Variants in STARD13 observed in about 807,000 individuals in gnomAD.
STARD13 encodes stAR-related lipid transfer protein 13.
In STARD13, 62 loss-of-function variants were observed where a neutral mutation model predicts 106.4. The ratio of observed to expected loss-of-function variants is 0.58; its 90% confidence interval spans 0.48 to 0.72. The LOEUF (loss-of-function observed/expected upper bound fraction) is 0.72, where lower values mean the gene tolerates loss of function less well. Among genes scored for constraint, STARD13 ranks in the 30% least tolerant of loss-of-function variants. The probability of loss-of-function intolerance (pLI) is 0.00; values close to 1 mark genes in which losing one functional copy is unlikely to be tolerated. For synonymous variants in STARD13, 565 were observed against 553.0 expected (o/e 1.02, Z -0.31); for missense variants, 1,387 against 1,424.0 (o/e 0.97, Z 0.42).
the STARD13 span, among the ~76,000 whole-genome samples, chr13:33,505,659 A>G: frequency 1.3e-5 from 2 of 152,154 alleles, no homozygotes; most frequent in African/African-American, 4.8e-5. Flanking sequence ...TTTATCCCCA[A>G]CTTTCATGAA....
chr13:33,237,665 C>A (rs1424004693), intron 1 of STARD13, among the ~76,000 whole-genome samples: 2 of 152,116 alleles, frequency 1.3e-5, no homozygotes, highest in Non-Finnish European at 2.9e-5. Flanking sequence ...CATCTCCCCC[C>A]TCACCACCAT....
the STARD13 span, among the ~76,000 whole-genome samples, chr13:33,599,551 T>G: frequency 3.3e-5 from 5 of 152,182 alleles, no homozygotes; most frequent in African/African-American, 1.2e-4. Context: ...ATTAAGCTTT[T>G]GGAAGGCACC....
the STARD13 span, among the ~76,000 whole-genome samples, chr13:33,599,299 A>C: frequency 6.6e-6 from 1 of 152,328 alleles, no homozygotes; most frequent in East Asian, 1.9e-4. Context: ...TATTTCCTTT[A>C]TAGAACTCAG....
At chr13:33,499,505 C>CT in the STARD13 span, among the ~76,000 whole-genome samples, 13,051 of 77,596 alleles carry the variant, frequency 0.17, 2,920 homozygotes, top group East Asian at 0.23. Flanking sequence ...CCTTCTTCTT[C>CT]TTCTTCTTCT....
At chr13:33,418,877 C>A in the STARD13 span, among the ~76,000 whole-genome samples, 1 of 152,224 alleles carries the variant, frequency 6.6e-6, no homozygotes, top group South Asian at 2.1e-4. Context: ...AGGGACCTGA[C>A]TGTTAGAAGG....
the STARD13 span, among the ~76,000 whole-genome samples, chr13:33,543,669 C>T: frequency 1.3e-5 from 2 of 152,132 alleles, no homozygotes; most frequent in Non-Finnish European, 2.9e-5. Flanking sequence ...AGCATGCATC[C>T]AGATTCTCTA....
intron 2 of STARD13, among the ~76,000 whole-genome samples, 200 bp downstream of exon 2, chr13:33,167,351 A>T (rs1179014960): frequency 6.6e-6 from 1 of 152,196 alleles, no homozygotes; most frequent in Non-Finnish European, 1.5e-5. Context: ...AGCAGAAAGT[A>T]AAGTGGGCCT....
chr13:33,397,945 A>G, the STARD13 span, among the ~76,000 whole-genome samples: 1 of 152,202 alleles, frequency 6.6e-6, no homozygotes, highest in Admixed American at 6.5e-5. Flanking sequence ...ACACGACCCA[A>G]AGGTCGTATC....
chr13:33,605,767 T>C, the STARD13 span, among the ~76,000 whole-genome samples: 15 of 152,348 alleles, frequency 9.8e-5, no homozygotes, highest in East Asian at 2.3e-3. Context: ...AGTCCTAATA[T>C]TGTTTATTTC....
At chr13:33,401,943 C>T in the STARD13 span, among the ~76,000 whole-genome samples, 2 of 152,084 alleles carry the variant, frequency 1.3e-5, no homozygotes, top group East Asian at 1.9e-4. Context: ...GTTGTCTTTC[C>T]CATCTTTATG....
intron 3 of STARD13, among the ~76,000 whole-genome samples, chr13:33,159,829 A>T (rs1882411587): frequency 1.3e-5 from 2 of 152,336 alleles, no homozygotes; most frequent in South Asian, 4.1e-4. Context: ...CTCTTGAAAA[A>T]ATCAAAGGAG....
At chr13:33,469,925 T>A in the STARD13 span, among the ~76,000 whole-genome samples, 1 of 152,148 alleles carries the variant, frequency 6.6e-6, no homozygotes, top group South Asian at 2.1e-4. Flanking sequence ...TTTTTTATTA[T>A]ACTTTAAGTT....
the STARD13 span, among the ~76,000 whole-genome samples, chr13:33,406,379 A>G: frequency 6.6e-6 from 1 of 152,208 alleles, no homozygotes; most frequent in African/African-American, 2.4e-5. Flanking sequence ...CTTACTATTT[A>G]TGGTGATTAT....
At chr13:33,315,242 G>A (rs559259792) in intron 1 of STARD13, among the ~76,000 whole-genome samples, 10 of 152,258 alleles carry the variant, frequency 6.6e-5, no homozygotes, top group South Asian at 2.1e-4. Context: ...GATTCAGCAC[G>A]TGAAAGCTCC....
chr13:33,172,643 A>G (rs370427216), intron 1 of STARD13, among the ~76,000 whole-genome samples: 4 of 152,214 alleles, frequency 2.6e-5, no homozygotes, highest in African/African-American at 9.6e-5. Flanking sequence ...CTCTTGGCTA[A>G]GCATTTTAAG....
chr13:33,209,678 A>G (rs1264242924), intron 1 of STARD13, among the ~76,000 whole-genome samples: 3 of 152,140 alleles, frequency 2.0e-5, no homozygotes, highest in African/African-American at 7.2e-5. Context: ...CATATACAAG[A>G]AGCGGAGTCC....
chr13:33,146,497 T>C (rs1880559678), intron 3 of STARD13, among the ~76,000 whole-genome samples: 1 of 152,134 alleles, frequency 6.6e-6, no homozygotes, highest in African/African-American at 2.4e-5. Context: ...AAAAATAAAG[T>C]TTTATGTCAC....
chr13:33,280,912 G>T (rs1891743549), intron 1 of STARD13: 1 of 152,110 alleles, frequency 6.6e-6, no homozygotes. Context: ...CAATAAATTA[G>T]TTGCTGAGGT....
the STARD13 span, among the ~76,000 whole-genome samples, chr13:33,463,667 C>T: frequency 1.3e-5 from 2 of 152,010 alleles, no homozygotes; most frequent in Non-Finnish European, 2.9e-5. Context: ...GTGTGCTAAC[C>T]CCACTTCATG....
Sources: allele counts gnomAD v4.1 joint callset (sites outside exome capture counted in the v4.1 genomes callset), GRCh38; gene constraint gnomAD v4.1.1; transcripts MANE v1.5; gene names NCBI Gene and HGNC (gene_info 2026-07-23, HGNC 2026-07-21).